Variants in ZFHX3 observed in about 807,000 individuals in gnomAD.
The protein encoded by ZFHX3 is zinc finger homeobox protein 3.
ZFHX3 carries 42 observed loss-of-function variants against 279.1 expected under a neutral mutation model. The observed-to-expected ratio is 0.15, with a 90% confidence interval of 0.12 to 0.19. ZFHX3 has a LOEUF of 0.19. Among genes scored for constraint, ZFHX3 ranks in the 10% least tolerant of loss-of-function variants. The pLI is 1.00. For missense variants in ZFHX3, 4,981 were observed against 4,754.0 expected (o/e 1.05, Z -1.40); for synonymous variants, 2,293 against 1,957.8 (o/e 1.17, Z -4.52).
chr16:73,515,582 G>C (rs930575154), intron 2 of ZFHX3, among the ~76,000 whole-genome samples: 1 of 151,160 alleles, frequency 6.6e-6, no homozygotes, highest in African/African-American at 2.4e-5. Flanking sequence ...AAGAAAGAGG[G>C]AGAGAGAGAG....
chr16:73,657,275 G>A (rs1452255307), intron 2 of ZFHX3, among the ~76,000 whole-genome samples: 3 of 151,178 alleles, frequency 2.0e-5, no homozygotes, highest in Non-Finnish European at 1.5e-5. Context: ...TGCCCAACAC[G>A]GCAAAACCCT....
chr16:73,859,191 T>C (rs779306658), intron 1 of ZFHX3, among the ~76,000 whole-genome samples: 15 of 152,188 alleles, frequency 9.9e-5, no homozygotes, highest in Non-Finnish European at 1.9e-4. Context: ...GTTGAGTAAA[T>C]ATAAGTTTCT....
chr16:73,075,196 C>T (rs903418271), intron 8 of ZFHX3, among the ~76,000 whole-genome samples: 4 of 152,096 alleles, frequency 2.6e-5, no homozygotes, highest in Admixed American at 6.6e-5. Flanking sequence ...TGCCTGTAAT[C>T]ACAGTGCTTA....
At chr16:73,186,878 A>G (rs542332690) in intron 5 of ZFHX3, among the ~76,000 whole-genome samples, 8 of 152,306 alleles carry the variant, frequency 5.3e-5, no homozygotes, top group African/African-American at 1.9e-4. Flanking sequence ...CTGTTGGTTC[A>G]ATTAAGCCTA....
At chr16:73,364,983 C>G (rs373700929) in intron 3 of ZFHX3, among the ~76,000 whole-genome samples, 1 of 152,056 alleles carries the variant, frequency 6.6e-6, no homozygotes, top group African/African-American at 2.4e-5. Flanking sequence ...TTTTCATTAT[C>G]GGCCCTCCTT....
chr16:73,045,282 A>C (rs1965252388), intron 1 of ZFHX3, among the ~76,000 whole-genome samples: 1 of 152,250 alleles, frequency 6.6e-6, no homozygotes, highest in Non-Finnish European at 1.5e-5. Context: ...TCACAGATTT[A>C]TTCTAATGAA....
intron 3 of ZFHX3, among the ~76,000 whole-genome samples, chr16:73,378,139 A>C (rs558175854): frequency 1.9e-4 from 29 of 150,880 alleles, no homozygotes; most frequent in Non-Finnish European, 3.5e-4. Context: ...CAAAGAGCTC[A>C]GATATTTTGG....
At chr16:72,893,060 C>T (rs1012918256) in intron 3 of ZFHX3, among the ~76,000 whole-genome samples, 7 of 152,090 alleles carry the variant, frequency 4.6e-5, no homozygotes, top group African/African-American at 1.7e-4. Context: ...AAGAGTTTGT[C>T]CTAAAACCGA....
In ZFHX3 at chr16:72,903,630, G is replaced by A. The variant is rs138554681; in HGVS notation, c.3217-13668C>T. On this transcript the variant is annotated intron_variant, in intron 3 of 9. Coordinates refer to ENST00000268489, the MANE Select transcript of ZFHX3 (RefSeq NM_006885.4). Reference sequence around the variant, plus strand: ...ATCTGCTCCAGAATGCAAGGCCCCCGGGAAAAATAAAACCAAAAGAACACA... The same window carrying A: ...ATCTGCTCCAGAATGCAAGGCCCCCAGGAAAAATAAAACCAAAAGAACACA... 4.8e-3 allele frequency among the ~76,000 whole-genome samples: 738 copies of A among 152,188 alleles called. 21 individuals are homozygous for A. The highest frequency in any genetic ancestry group is 1.9e-3 in the East Asian group (10 of 5,182).
At chr16:73,092,800 C>G in intron 8 of ZFHX3, 2 of 400,282 alleles carry the variant, frequency 5.0e-6, no homozygotes, top group Non-Finnish European at 9.7e-6. Flanking sequence ...CTTGGGGCAT[C>G]CTGTGCTCTC....
chr16:73,229,043 T>A (rs1414597974), intron 5 of ZFHX3, among the ~76,000 whole-genome samples: 1 of 152,196 alleles, frequency 6.6e-6, no homozygotes, highest in African/African-American at 2.4e-5. Flanking sequence ...GATTCTTGAC[T>A]GATAATCCTG....
chr16:73,611,578 A>G (rs2052247147), intron 2 of ZFHX3, among the ~76,000 whole-genome samples: 1 of 152,212 alleles, frequency 6.6e-6, no homozygotes, highest in Non-Finnish European at 1.5e-5. Context: ...GTGATAGTTA[A>G]GCAACCACAT....
At chr16:73,556,773 T>C (rs574882103) in intron 2 of ZFHX3, among the ~76,000 whole-genome samples, 83 of 151,974 alleles carry the variant, frequency 5.5e-4, no homozygotes, top group Non-Finnish European at 9.0e-4. Flanking sequence ...CACTAGAGGA[T>C]GTGGTTTAAA....
chr16:73,346,422 A>G (rs2016124549), intron 3 of ZFHX3, among the ~76,000 whole-genome samples: 1 of 152,174 alleles, frequency 6.6e-6, no homozygotes, highest in South Asian at 2.1e-4. Flanking sequence ...CAAGGTGAAG[A>G]AGAATCACAG....
chr16:73,373,904 G>A (rs988556952), intron 3 of ZFHX3, among the ~76,000 whole-genome samples: 2 of 152,232 alleles, frequency 1.3e-5, no homozygotes, highest in African/African-American at 2.4e-5. Flanking sequence ...ATTGAAGAAA[G>A]TTATGCTGCT....
chr16:73,156,463 G>A (rs986970575), intron 5 of ZFHX3, among the ~76,000 whole-genome samples: 4 of 152,142 alleles, frequency 2.6e-5, no homozygotes, highest in Admixed American at 6.6e-5. Context: ...CCATGGATCC[G>A]TCATCATTTC....
intron 3 of ZFHX3, among the ~76,000 whole-genome samples, chr16:73,431,198 A>G (rs2017904253): frequency 6.6e-6 from 1 of 151,834 alleles, no homozygotes; most frequent in Non-Finnish European, 1.5e-5. Flanking sequence ...GATACTCTTA[A>G]AAATAAAGCA....
At chr16:73,074,582 TAATGAC>T (rs1965863733) in intron 8 of ZFHX3, among the ~76,000 whole-genome samples, 1 of 151,944 alleles carries the variant, frequency 6.6e-6, no homozygotes, top group African/African-American at 2.4e-5. Context: ...ATGAGAATGA[TAATGAC>T]AATGATGACG....
chr16:73,587,193 A>G (rs1276338619), intron 2 of ZFHX3, among the ~76,000 whole-genome samples: 1 of 152,218 alleles, frequency 6.6e-6, no homozygotes, highest in East Asian at 1.9e-4. Context: ...GATAGAAGCT[A>G]TTTCACAAAT....
Sources: allele counts gnomAD v4.1 joint callset (sites outside exome capture counted in the v4.1 genomes callset), GRCh38; gene constraint gnomAD v4.1.1; transcripts MANE v1.5; gene names NCBI Gene and HGNC (gene_info 2026-07-23, HGNC 2026-07-21).